ZEB1: variants seen among roughly 807,000 people sequenced by gnomAD.
ZEB1 encodes zinc finger E-box-binding homeobox 1.
ZEB1 carries 21 observed loss-of-function variants against 84.9 expected under a neutral mutation model. The ratio of observed to expected loss-of-function variants is 0.25; its 90% CI spans 0.18 to 0.36. The LOEUF is 0.36. Among genes scored for constraint, ZEB1 ranks in the 10% least tolerant of loss-of-function variants. The probability of loss-of-function intolerance (pLI) is 1.00; values close to 1 mark genes in which losing one functional copy is unlikely to be tolerated. For missense variants in ZEB1, 1,104 were observed against 1,330.2 expected (o/e 0.83, Z 2.65); for synonymous variants, 420 against 471.1 (o/e 0.89, Z 1.41).
chr10:31,373,195 G>C, intron 1 of ZEB1: 1 of 631,830 alleles, frequency 1.6e-6, no homozygotes, highest in Non-Finnish European at 1.9e-6. Context: ...CATTTAAATT[G>C]TGTGTGTGTG....
intron 8 of ZEB1, among the ~76,000 whole-genome samples, 185 bp from the exon 9 acceptor site, chr10:31,526,487 G>A (rs562860690): frequency 1.3e-5 from 2 of 152,188 alleles, no homozygotes; most frequent in African/African-American, 4.8e-5. Flanking sequence ...AGAGCACTAC[G>A]TTTTTTAATG....
chr10:31,407,185 A>G (rs997304262), intron 1 of ZEB1, among the ~76,000 whole-genome samples: 6 of 150,890 alleles, frequency 4.0e-5, no homozygotes, highest in African/African-American at 1.5e-4. Flanking sequence ...ATGCTGGTGC[A>G]CTGCACCCAC....
chr10:31,383,885 A>G (rs1294723624), intron 1 of ZEB1, among the ~76,000 whole-genome samples: 1 of 152,006 alleles, frequency 6.6e-6, no homozygotes, highest in Non-Finnish European at 1.5e-5. Context: ...GCACATGAGA[A>G]TTAAAACTGG....
rs2071969629 is a variant in ZEB1 at position 31,520,057 on chromosome 10, G to A, written c.794-69G>A. The A allele has an allele frequency of 6.4e-7, 1 of 1,564,918 alleles. No individual in the cohort carries two copies. The highest frequency in any genetic ancestry group is 1.7e-5 in the Admixed American group (1 of 57,636). ...TAAAATTGATACCGCTTGTTTTAGG[G>A]AAATGAGGATACATAAAAATTTATA... On this transcript the variant is annotated intron_variant, in intron 6 of 8. Coordinates refer to ENST00000424869, the MANE Select transcript of ZEB1 (RefSeq NM_001174096.2). This position sits in a 1 kb window ranked among gnomAD's most constrained non-coding sequence, Gnocchi z 5.1.
At chr10:31,327,107 T>C (rs551755267) in intron 1 of ZEB1, among the ~76,000 whole-genome samples, 4 of 143,416 alleles carry the variant, frequency 2.8e-5, no homozygotes, top group East Asian at 2.0e-4. Flanking sequence ...TTCTTTTTTT[T>C]TTTTTTTTTT....
rs376443132 is a variant in ZEB1 at position 31,420,490 on chromosome 10, TAG to T, written c.59-40540_59-40539del. On this transcript the variant is annotated intron_variant, in intron 1 of 8. Transcript: ENST00000424869. ...CTTCACCTTTTCACAAGTGGCAGAA[TAG>T]AGAGAGTTTACTGCTTTGCCTCTCT... is the stretch of plus-strand genomic sequence containing the variant. 4.6e-5 allele frequency among the ~76,000 whole-genome samples: 7 copies of T among 152,272 alleles called. No homozygotes were observed. In the South Asian group the frequency reaches 1.2e-3, roughly 27 times the overall value.
intron 1 of ZEB1, among the ~76,000 whole-genome samples, chr10:31,334,111 A>AT (rs2037455189): frequency 6.6e-6 from 1 of 152,066 alleles, no homozygotes; most frequent in Admixed American, 6.6e-5. Flanking sequence ...AATCTCTGTT[A>AT]ATGTGAGAAC....
At chr10:31,331,502 T>G (rs576027858) in intron 1 of ZEB1, among the ~76,000 whole-genome samples, 17 of 152,338 alleles carry the variant, frequency 1.1e-4, no homozygotes, top group Non-Finnish European at 1.6e-4. Flanking sequence ...GATGGATTAT[T>G]GTATGCAAGG....
chr10:31,495,930 G>A lies in ZEB1; in HGVS notation c.322+92G>A, dbSNP rs527403147. 27 of 1,347,584 alleles carry A rather than the reference G, an allele frequency of 2.0e-5. No homozygotes were observed. In the East Asian group the frequency reaches 3.0e-4, roughly 15 times the overall value. 83.5% of individuals were successfully genotyped at this position (1,347,584 alleles called of 1,614,324 possible). ...CATTTGTGAGTCCTGAATTTAGTCC[G>A]TTTCCTTCTCTTTTATCTTACCTTC... is the stretch of plus-strand genomic sequence containing the variant. On this transcript the variant is annotated intron_variant, in intron 3 of 8. Transcript: ENST00000424869.
rs117328107 is a variant in ZEB1 at position 31,440,221 on chromosome 10, G to C, written c.59-20816G>C. ...AATTGCCGTTTACTGAAATAGAGAA[G>C]ACTGAGAGACCAGGAATTGTATTTG... On this transcript the variant is annotated intron_variant, in intron 1 of 8. Coordinates refer to ENST00000424869, the MANE Select transcript of ZEB1 (RefSeq NM_001174096.2). Among the ~76,000 whole-genome samples, 63 of 152,242 alleles carry C rather than the reference G, an allele frequency of 4.1e-4. No individual in the cohort carries two copies. In the East Asian group the frequency reaches 0.011, roughly 27 times the overall value.
intron 6 of ZEB1, among the ~76,000 whole-genome samples, chr10:31,518,169 C>T (rs1031665335): frequency 3.9e-5 from 6 of 151,988 alleles, no homozygotes; most frequent in African/African-American, 1.5e-4. Context: ...TTGTTTTACC[C>T]CCACTGGAAA....
chr10:31,444,502 G>C (rs1284190751), intron 1 of ZEB1, among the ~76,000 whole-genome samples: 13 of 151,544 alleles, frequency 8.6e-5, no homozygotes, highest in Non-Finnish European at 1.9e-4. Flanking sequence ...CCTATGTCCT[G>C]AATGGTAATG....
intron 2 of ZEB1, among the ~76,000 whole-genome samples, chr10:31,479,572 G>C (rs1298780967): frequency 2.6e-5 from 4 of 151,824 alleles, no homozygotes; most frequent in African/African-American, 9.7e-5. Context: ...ACTTACTCCT[G>C]GGATGCAAGA....
At chr10:31,367,868 C>T (rs1383795811) in intron 1 of ZEB1, among the ~76,000 whole-genome samples, 1 of 151,546 alleles carries the variant, frequency 6.6e-6, no homozygotes, top group Non-Finnish European at 1.5e-5. Flanking sequence ...AAGCATGCAC[C>T]CAAAAACGTA....
At chr10:31,484,289 G>T (rs1463950765) in intron 2 of ZEB1, among the ~76,000 whole-genome samples, 1 of 151,924 alleles carries the variant, frequency 6.6e-6, no homozygotes, top group East Asian at 1.9e-4. Context: ...CTTCATGGAT[G>T]CCTTATTCTG....
chr10:31,345,542 A>G (rs2040155932), intron 1 of ZEB1, among the ~76,000 whole-genome samples: 1 of 152,076 alleles, frequency 6.6e-6, no homozygotes, highest in South Asian at 2.1e-4. Context: ...TAAAGACAAA[A>G]CCAAATCAAC....
intron 1 of ZEB1, among the ~76,000 whole-genome samples, chr10:31,337,501 A>G (rs907481904): frequency 6.6e-6 from 1 of 152,118 alleles, no homozygotes; most frequent in Non-Finnish European, 1.5e-5. Context: ...AATCTAAAAT[A>G]GTAACTGAAA....
chr10:31,350,813 T>C (rs2041199490), intron 1 of ZEB1, among the ~76,000 whole-genome samples: 1 of 152,160 alleles, frequency 6.6e-6, no homozygotes, highest in Admixed American at 6.5e-5. Flanking sequence ...CTGGATAAAA[T>C]ACAATTTATG....
intron 1 of ZEB1, among the ~76,000 whole-genome samples, chr10:31,346,530 A>C (rs1218417744): frequency 2.0e-5 from 3 of 152,130 alleles, no homozygotes; most frequent in Non-Finnish European, 4.4e-5. Context: ...TTTAGCAAAA[A>C]ATAAATATAA....
Sources: allele counts gnomAD v4.1 joint callset (sites outside exome capture counted in the v4.1 genomes callset), GRCh38; gene constraint gnomAD v4.1.1; non-coding constraint Gnocchi (gnomAD v3.1); transcripts MANE v1.5; gene names NCBI Gene and HGNC (gene_info 2026-07-23, HGNC 2026-07-21).